Variants in CCT4 observed in about 807,000 individuals in gnomAD.
The protein encoded by CCT4 is chaperonin containing TCP1 subunit 4, also known as T-complex protein 1 subunit delta.
CCT4 carries 17 observed loss-of-function variants against 62.5 expected under a neutral mutation model. That is an observed-to-expected ratio of 0.27 (90% CI 0.19 to 0.41). The LOEUF (loss-of-function observed/expected upper bound fraction) is 0.41, where lower values mean the gene tolerates loss of function less well. CCT4 is among the 10% of genes least tolerant of loss of function. The pLI is 1.00. For synonymous variants in CCT4, 250 were observed against 229.9 expected (o/e 1.09, Z -0.79); for missense variants, 592 against 659.2 (o/e 0.90, Z 1.12).
intron 1 of CCT4, 145 bp downstream of exon 1, chr2:61,888,236 G>T: frequency 1.0e-6 from 1 of 966,736 alleles, no homozygotes; most frequent in Non-Finnish European, 1.5e-6. Context: ...ACAGAAATAA[G>T]GATCCCTCCA....
chr2:61,884,899 T>A (rs1669214133), intron 2 of CCT4, 121 bp downstream of exon 2: 1 of 787,798 alleles, frequency 1.3e-6, no homozygotes, highest in Non-Finnish European at 2.1e-6. Flanking sequence ...GTGCTGGGAT[T>A]ATAGGTGTGA....
At chr2:61,883,435 A>G in intron 3 of CCT4, 24 bp downstream of exon 3, 1 of 1,116,774 alleles carries the variant, frequency 9.0e-7, no homozygotes, top group Non-Finnish European at 1.3e-6. Flanking sequence ...AAAAAAAAAA[A>G]GACTCACCTA....
At position 61,877,448 on chromosome 2, in the gene CCT4, G is replaced by T; in HGVS notation, c.589C>A (p.Pro197Thr). 1.9e-6 allele frequency: 3 copies of T among 1,611,022 alleles called. No individual in the cohort carries two copies. Among genetic ancestry groups the T allele is most frequent in the Non-Finnish European group, 1.7e-6 (2 of 1,177,680 alleles). Residue 197 changes from proline to threonine, a missense_variant, in exon 6 of 14, where the codon CCA (proline) becomes ACA (threonine). By Grantham distance (38) the Pro-to-Thr change is conservative. This residue lies in a region of CCT4 where 522 missense variants were observed against 571.2 expected (regional missense o/e 0.91). Transcript: ENST00000394440. ...AGATCTACACTGGTGGCTGTGGCTG[G>T]GTCAATCACTTTCATCACTGCATTT... ...SVNAVMKVID[P>T]ATATSVDLRD...
intron 3 of CCT4, among the ~76,000 whole-genome samples, chr2:61,880,879 TA>T (rs1238736634): frequency 6.6e-6 from 1 of 151,912 alleles, no homozygotes; most frequent in Admixed American, 6.6e-5. Context: ...CTACTTTTTT[TA>T]AAAAGTCTTT....
rs557404693 is a variant in CCT4, at chr2:61,871,979, G to A, written c.1491+103C>T. 28 of 783,008 alleles carry A rather than the reference G, an allele frequency of 3.6e-5. 1 individual carries two copies. In the South Asian group the frequency reaches 5.1e-4, roughly 14 times the overall value. The allele number at this position is 783,008 out of a possible 1,614,324, so 48.5% of individuals were successfully genotyped here. A position where few individuals can be genotyped will look rare whatever the true frequency, so the allele number is the denominator to read the frequency against. On this transcript the variant is annotated intron_variant, in intron 12 of 13. Coordinates refer to ENST00000394440, the MANE Select transcript of CCT4 (RefSeq NM_006430.4). Reference sequence around the variant, plus strand: ...CAGCAGGCCTCATATTTAAATCCAAGATTATGCTTTTCATTACAGAGCTTT... The same window carrying A: ...CAGCAGGCCTCATATTTAAATCCAAAATTATGCTTTTCATTACAGAGCTTT...
chr2:61,868,794 C>T, intron 13 of CCT4, 88 bp from the exon 14 acceptor site: 1 of 956,212 alleles, frequency 1.0e-6, no homozygotes, highest in South Asian at 1.3e-5. Context: ...AAAAGGAAAA[C>T]CTGTATTAAG....
At chr2:61,887,442 A>C (rs746064994) in intron 1 of CCT4, among the ~76,000 whole-genome samples, 1 of 152,182 alleles carries the variant, frequency 6.6e-6, no homozygotes, top group Non-Finnish European at 1.5e-5. Context: ...ACTTTCCAGG[A>C]CACCAGGCCT....
Position 61,879,249 on chromosome 2 carries a change from T to C in CCT4, c.380-238A>G, listed in dbSNP as rs1413182233. Among the ~76,000 whole-genome samples the C allele has an allele frequency of 6.0e-5, 8 of 132,742 alleles. No homozygotes were observed. In the East Asian group the frequency reaches 1.8e-3, roughly 29 times the overall value. The allele number at this position is 132,742 out of a possible 152,430, so 87.1% of individuals were successfully genotyped here. On this transcript the variant is annotated intron_variant, in intron 4 of 13. Coordinates refer to ENST00000394440, the MANE Select transcript of CCT4 (RefSeq NM_006430.4). The stretch of plus-strand genomic sequence containing the variant: ...ATTAATGGTCTTGACTAAAACCAAA[T>C]TTTATACTTTTTTTTTTTTTTTTTT...
Position 61,872,245 on chromosome 2 carries a change from A to C in CCT4, c.1328T>G (p.Leu443Arg). 1 of 1,613,548 alleles carries C rather than the reference A, an allele frequency of 6.2e-7. No individual in the cohort carries two copies. The highest frequency in any genetic ancestry group is 1.1e-5 in the South Asian group (1 of 91,032). The stretch of plus-strand genomic sequence containing the variant: ...AACGCAGTAGGATTCCATACCACTC[A>C]GTGTTCGTGAATATTCAGTTAATCG... Reference protein sequence around the residue: ...ALRLTEYSRTLSGMESYCVRA... With the variant: ...ALRLTEYSRTRSGMESYCVRA... Residue 443 changes from leucine (L) to arginine (R), a missense_variant, in exon 12 of 14, where the codon CTG becomes CGG. Physicochemically the swap from Leu to Arg is moderately radical, Grantham distance 102. Around this residue, in one of 3 missense-constraint regions of CCT4, gnomAD observed 522 missense variants for 571.2 expected, o/e 0.91. Transcript: ENST00000394440.
chr2:61,886,086 G>C (rs1669242114), intron 1 of CCT4: 1 of 152,174 alleles, frequency 6.6e-6, no homozygotes, highest in African/African-American at 2.4e-5. Context: ...AAACCACAAT[G>C]GAAATGCTAC....
Position 61,878,851 on chromosome 2 carries a change from CGTTA to C in CCT4, c.522+14_522+17del, listed in dbSNP as rs775670541. On this transcript the variant is annotated intron_variant, in intron 5 of 13. Transcript: ENST00000394440. Reference sequence around the variant, plus strand: ...ACTTTTAACTAATTTGACAAGTATCCGTTAGTGTTTGTCTCACCTTTGAGTTCAG... The same window carrying C: ...ACTTTTAACTAATTTGACAAGTATCCGTGTTTGTCTCACCTTTGAGTTCAG... 3.2e-6 allele frequency: 5 copies of C among 1,579,718 alleles called. No individual in the cohort carries two copies. Among genetic ancestry groups the C allele is most frequent in the African/African-American group, 2.7e-5 (2 of 73,990 alleles).
chr2:61,879,157 G>T lies in CCT4; in HGVS notation c.380-146C>A, dbSNP rs569209676. ...CTTATGCTTCAGTTGTAATATAGTG[G>T]CTTGAATAACCTGCTAACTATGGCT... is the stretch of plus-strand genomic sequence containing the variant. On this transcript the variant is annotated intron_variant, in intron 4 of 13. Coordinates refer to ENST00000394440, the MANE Select transcript of CCT4 (RefSeq NM_006430.4). The T allele has an allele frequency of 1.1e-4, 67 of 583,804 alleles. 1 individual carries two copies. In the South Asian group the frequency reaches 1.5e-3, roughly 13 times the overall value. 36.2% of individuals were successfully genotyped at this position (583,804 alleles called of 1,614,324 possible). A position where few individuals can be genotyped will look rare whatever the true frequency, so the allele number is the denominator to read the frequency against.
intron 3 of CCT4, among the ~76,000 whole-genome samples, chr2:61,881,421 C>T (rs574601148): frequency 6.6e-6 from 1 of 152,136 alleles, no homozygotes; most frequent in Non-Finnish European, 1.5e-5. Context: ...TGCGACCAGA[C>T]TGATAGAAAT....
intron 8 of CCT4, among the ~76,000 whole-genome samples, chr2:61,873,510 T>C (rs1198248544): frequency 6.6e-6 from 1 of 152,154 alleles, no homozygotes; most frequent in African/African-American, 2.4e-5. Flanking sequence ...CTGTCCCCAA[T>C]GACACTATAA....
intron 4 of CCT4, 134 bp from the exon 5 acceptor site, chr2:61,879,145 T>A: frequency 1.6e-6 from 1 of 617,730 alleles, no homozygotes; most frequent in Non-Finnish European, 2.8e-6. Context: ...ATGCTTCAGT[T>A]GTAATATAGT....
At chr2:61,888,132 A>G in intron 1 of CCT4, 1 of 458,670 alleles carries the variant, frequency 2.2e-6, no homozygotes, top group Non-Finnish European at 3.9e-6. Context: ...TGAATGATGC[A>G]CAGTGCAGGA....
At chr2:61,883,103 T>C (rs1437214310) in intron 3 of CCT4, among the ~76,000 whole-genome samples, 5 of 152,098 alleles carry the variant, frequency 3.3e-5, no homozygotes, top group Non-Finnish European at 5.9e-5. Context: ...TTTAACTGTT[T>C]ACCAAGTATC....
rs1029497245 is a variant in CCT4, at chr2:61,877,597, G to A, written c.523-83C>T. 1.1e-5 allele frequency: 12 copies of A among 1,104,142 alleles called. No homozygotes were observed. In the Admixed American group the frequency reaches 3.9e-4, roughly 36 times the overall value. The allele number at this position is 1,104,142 out of a possible 1,614,324, so 68.4% of individuals were successfully genotyped here. A position where few individuals can be genotyped will look rare whatever the true frequency, so the allele number is the denominator to read the frequency against. ...TTCAATGACAAAGATACTTAAGAAA[G>A]ACTCTTATAATTTTTGCAGTGGGGT... On this transcript the variant is annotated intron_variant, in intron 5 of 13. Coordinates refer to ENST00000394440, the MANE Select transcript of CCT4 (RefSeq NM_006430.4).
intron 6 of CCT4, 144 bp from the exon 7 acceptor site, chr2:61,877,196 G>C: frequency 1.1e-6 from 1 of 893,770 alleles, no homozygotes; most frequent in Non-Finnish European, 1.7e-6. Context: ...GGATCTCTTT[G>C]ATCCACTGCT....
Sources: allele counts gnomAD v4.1 joint callset (sites outside exome capture counted in the v4.1 genomes callset), GRCh38; gene constraint gnomAD v4.1.1; regional missense constraint gnomAD v4.1.1; transcripts MANE v1.5; gene names NCBI Gene and HGNC (gene_info 2026-07-23, HGNC 2026-07-21).